FOXK1: variants seen among roughly 807,000 people sequenced by gnomAD.
FOXK1 encodes forkhead box K1, also known as forkhead box protein K1.
FOXK1 carries 19 observed loss-of-function variants against 51.9 expected under a neutral mutation model. That is an observed-to-expected ratio of 0.37 (90% CI 0.26 to 0.54). The LOEUF is 0.54. Among genes scored for constraint, FOXK1 ranks in the 20% least tolerant of loss-of-function variants. The probability of loss-of-function intolerance (pLI) is 0.87; values close to 1 mark genes in which losing one functional copy is unlikely to be tolerated. For missense variants in FOXK1, 870 were observed against 1,032.7 expected (o/e 0.84, Z 2.16); for synonymous variants, 537 against 482.6 (o/e 1.11, Z -1.48).
At position 4,748,370 on chromosome 7, in the gene FOXK1, T is replaced by C. The variant is rs1228356867; in HGVS notation, c.747-6089T>C. ...CCATCCCAGTAAAGTTACATCATCA[T>C]GTCTGGTTTACCTTGCATGAGCGTT... On this transcript the variant is annotated intron_variant, in intron 2 of 8. Coordinates refer to ENST00000328914, the MANE Select transcript of FOXK1 (RefSeq NM_001037165.2). This position sits in a 1 kb window ranked among gnomAD's most constrained non-coding sequence, Gnocchi z 4.9. Among the ~76,000 whole-genome samples the C allele has an allele frequency of 2.0e-5, 3 of 152,224 alleles. No homozygotes were observed. The highest frequency in any genetic ancestry group is 1.3e-4 in the Admixed American group (2 of 15,286).
At chr7:4,740,748 C>G in intron 1 of FOXK1, 90 bp from the exon 2 acceptor site, 1 of 1,340,470 alleles carries the variant, frequency 7.5e-7, no homozygotes, top group Non-Finnish European at 1.0e-6. Context: ...GGTCCAGTTA[C>G]TTAGACACAC....
rs1426493149 is a variant in FOXK1 at position 4,707,653 on chromosome 7, T to G, written c.560+24785T>G. Among the ~76,000 whole-genome samples the G allele has an allele frequency of 2.0e-5, 3 of 151,880 alleles. No individual in the cohort carries two copies. The highest frequency in any genetic ancestry group is 1.3e-4 in the Admixed American group (2 of 15,232). Reference sequence around the variant, plus strand: ...GGCGTGTTCCCCGGTGCCATTCGTATCTGATTCATGCGTGTGCGACCAGTA... The same window carrying G: ...GGCGTGTTCCCCGGTGCCATTCGTAGCTGATTCATGCGTGTGCGACCAGTA... On this transcript the variant is annotated intron_variant, in intron 1 of 8. Coordinates refer to ENST00000328914, the MANE Select transcript of FOXK1 (RefSeq NM_001037165.2). The surrounding 1 kb of genome is among the most constrained non-coding windows in gnomAD (Gnocchi z 4.1).
In FOXK1 at chr7:4,683,526, C is replaced by T. The variant is rs1169013301; in HGVS notation, c.560+658C>T. On this transcript the variant is annotated intron_variant, in intron 1 of 8. Coordinates refer to ENST00000328914, the MANE Select transcript of FOXK1 (RefSeq NM_001037165.2). This position sits in a 1 kb window ranked among gnomAD's most constrained non-coding sequence, Gnocchi z 4.5. ...AGCTGGGTTACTGAGGTCACCTTGA[C>T]CCCAGTCCCTGCTGCCTGGGCCTGG... Among the ~76,000 whole-genome samples the T allele has an allele frequency of 6.6e-6, 1 of 151,838 alleles. No individual in the cohort carries two copies. Among genetic ancestry groups the T allele is most frequent in the Non-Finnish European group, 1.5e-5 (1 of 67,926 alleles).
chr7:4,736,760 T>C (rs762421536), intron 1 of FOXK1, among the ~76,000 whole-genome samples: 2 of 152,230 alleles, frequency 1.3e-5, no homozygotes, highest in Non-Finnish European at 2.9e-5. Flanking sequence ...TGGTGTCTTC[T>C]ATTCCAACCA....
At position 4,729,474 on chromosome 7, in the gene FOXK1, G is replaced by A. The variant is rs925094017; in HGVS notation, c.561-11364G>A. ...AAGGTGGGGGGATTTTGAAGGAGCT[G>A]TGAACACCGAGGGTGCCGTCCTCGC... is the stretch of plus-strand genomic sequence containing the variant. On this transcript the variant is annotated intron_variant, in intron 1 of 8. Transcript: ENST00000328914. The surrounding 1 kb of genome is among the most constrained non-coding windows in gnomAD (Gnocchi z 6.2). Among the ~76,000 whole-genome samples, 3 of 152,178 alleles carry A rather than the reference G, an allele frequency of 2.0e-5. No individual in the cohort carries two copies. Among genetic ancestry groups the A allele is most frequent in the Admixed American group, 6.5e-5 (1 of 15,278 alleles).
intron 1 of FOXK1, among the ~76,000 whole-genome samples, chr7:4,697,941 C>T (rs1779974632): frequency 2.0e-5 from 3 of 152,162 alleles, no homozygotes; most frequent in Admixed American, 2.0e-4. Flanking sequence ...TCTCTTGCCT[C>T]AGCCTCCCGA....
In FOXK1 at chr7:4,705,981, T is replaced by TACGTATATAC. The variant is rs1562373011; in HGVS notation, c.560+23122_560+23123insCACGTATATA. On this transcript the variant is annotated intron_variant, in intron 1 of 8. Coordinates refer to ENST00000328914, the MANE Select transcript of FOXK1 (RefSeq NM_001037165.2). ...ATATGTATATATATATACGTATATA[T>TACGTATATAC]ACGTATATATACGTATATATACGTA... is the stretch of plus-strand genomic sequence containing the variant. 1.4e-4 allele frequency among the ~76,000 whole-genome samples: 14 copies of TACGTATATAC among 98,296 alleles called. 1 individual carries two copies. The highest frequency in any genetic ancestry group is 2.1e-4 in the East Asian group (1 of 4,754). 64.5% of individuals were successfully genotyped at this position (98,296 alleles called of 152,430 possible). A position where few individuals can be genotyped will look rare whatever the true frequency, so the allele number is the denominator to read the frequency against.
At chr7:4,740,388 T>C (rs960822749) in intron 1 of FOXK1, among the ~76,000 whole-genome samples, 12 of 138,036 alleles carry the variant, frequency 8.7e-5, no homozygotes, top group Middle Eastern at 4.2e-3. Context: ...TGAGATCGTG[T>C]CCCTGCACTC....
At chr7:4,751,312 T>G (rs1780774929) in intron 2 of FOXK1, among the ~76,000 whole-genome samples, 2 of 151,940 alleles carry the variant, frequency 1.3e-5, no homozygotes, top group African/African-American at 2.4e-5. Flanking sequence ...CCCAAAGCAC[T>G]GGGATTACAA....
chr7:4,716,727 G>A (rs1477279337), intron 1 of FOXK1, among the ~76,000 whole-genome samples: 1 of 152,212 alleles, frequency 6.6e-6, no homozygotes, highest in Non-Finnish European at 1.5e-5. Flanking sequence ...GGTGCTCCTT[G>A]GAAGCTGTGT....
intron 1 of FOXK1, among the ~76,000 whole-genome samples, chr7:4,689,204 C>T (rs1230356918): frequency 6.6e-6 from 1 of 152,120 alleles, no homozygotes; most frequent in East Asian, 1.9e-4. Context: ...TCTTGAACTC[C>T]TGACCTCAGG....
chr7:4,688,394 C>CT (rs1314408283), intron 1 of FOXK1, among the ~76,000 whole-genome samples: 12 of 149,500 alleles, frequency 8.0e-5, no homozygotes, highest in Admixed American at 2.7e-4. Flanking sequence ...CTTTTCTTTT[C>CT]TTTTTTTTAT....
In FOXK1 at chr7:4,765,509, A is replaced by G. The variant is rs1780998958; in HGVS notation, c.*3045A>G. On this transcript the variant is annotated 3_prime_UTR_variant, in exon 9 of 9. Coordinates refer to ENST00000328914, the MANE Select transcript of FOXK1 (RefSeq NM_001037165.2). ...TTCTCAAGGGTGAGCTGACCCGGGC[A>G]ATGTGCAGGAATGTGGGGAGCAAAA... is the stretch of plus-strand genomic sequence containing the variant. 6.6e-6 allele frequency: 1 copy of G among 152,362 alleles called. No individual in the cohort carries two copies. Among genetic ancestry groups the G allele is most frequent in the African/African-American group, 2.4e-5 (1 of 41,470 alleles). 9.4% of individuals were successfully genotyped at this position (152,362 alleles called of 1,614,324 possible).
chr7:4,710,373 A>C (rs1780159168), intron 1 of FOXK1, among the ~76,000 whole-genome samples: 1 of 152,128 alleles, frequency 6.6e-6, no homozygotes, highest in African/African-American at 2.4e-5. Context: ...TCAGGAGTTC[A>C]AGGCCAGCCT....
chr7:4,767,279 G>C lies in FOXK1; in HGVS notation c.*4815G>C, dbSNP rs900251060. 3 of 152,254 alleles carry C rather than the reference G, an allele frequency of 2.0e-5. No homozygotes were observed. Among genetic ancestry groups the C allele is most frequent in the East Asian group, 1.9e-4 (1 of 5,194 alleles). The allele number at this position is 152,254 out of a possible 1,614,324, so 9.4% of individuals were successfully genotyped here. A position where few individuals can be genotyped will look rare whatever the true frequency, so the allele number is the denominator to read the frequency against. On this transcript the variant is annotated 3_prime_UTR_variant, in exon 9 of 9. Coordinates refer to ENST00000328914, the MANE Select transcript of FOXK1 (RefSeq NM_001037165.2). This position sits in a 1 kb window ranked among gnomAD's most constrained non-coding sequence, Gnocchi z 6.6. ...ACGGAATCGCGCGCTCCTCACGCTGGAGTAAGTTACGAAACATGATCGTCA... is the reference window on the plus strand; with the variant it reads ...ACGGAATCGCGCGCTCCTCACGCTGCAGTAAGTTACGAAACATGATCGTCA...
intron 2 of FOXK1, among the ~76,000 whole-genome samples, chr7:4,744,815 C>G (rs1780680752): frequency 6.6e-6 from 1 of 152,252 alleles, no homozygotes; most frequent in African/African-American, 2.4e-5. Flanking sequence ...TGAAACCGCC[C>G]TGTGCAAAGA....
intron 1 of FOXK1, among the ~76,000 whole-genome samples, chr7:4,684,455 G>T (rs570321133): frequency 6.6e-6 from 1 of 152,228 alleles, no homozygotes; most frequent in African/African-American, 2.4e-5. Context: ...CCCTTGGGGC[G>T]TGAGAGGGGA....
chr7:4,695,765 C>T (rs1364943562), intron 1 of FOXK1, among the ~76,000 whole-genome samples: 2 of 151,994 alleles, frequency 1.3e-5, no homozygotes, highest in Non-Finnish European at 2.9e-5. Context: ...GGAGAAACCC[C>T]GTCTCTACTA....
rs572139944 is a variant in FOXK1 at position 4,719,927 on chromosome 7, T to C, written c.561-20911T>C. 1.5e-4 allele frequency among the ~76,000 whole-genome samples: 23 copies of C among 152,224 alleles called. No homozygotes were observed. The South Asian group carries it at 4.8e-3, about 32-fold the overall frequency. On this transcript the variant is annotated intron_variant, in intron 1 of 8. Transcript: ENST00000328914. ...GTTTTTCCTGTATTCTAGATAGGAGTCTCTTCTCCCAGCTTGTGACCTCTT... is the reference window on the plus strand; with the variant it reads ...GTTTTTCCTGTATTCTAGATAGGAGCCTCTTCTCCCAGCTTGTGACCTCTT...
Sources: allele counts gnomAD v4.1 joint callset (sites outside exome capture counted in the v4.1 genomes callset), GRCh38; gene constraint gnomAD v4.1.1; non-coding constraint Gnocchi (gnomAD v3.1); transcripts MANE v1.5; gene names NCBI Gene and HGNC (gene_info 2026-07-23, HGNC 2026-07-21).